PIAS1: variants seen among roughly 807,000 people sequenced by gnomAD.
The protein encoded by PIAS1 is E3 SUMO-protein ligase PIAS1.
PIAS1 carries 6 observed loss-of-function variants against 71.3 expected under a neutral mutation model. The ratio of observed to expected loss-of-function variants is 0.08; its 90% CI spans 0.05 to 0.17. The LOEUF is 0.17. Ranked by LOEUF, PIAS1 falls within the 10% of genes least tolerant of loss-of-function variation. The probability of loss-of-function intolerance (pLI) is 1.00; values close to 1 mark genes in which losing one functional copy is unlikely to be tolerated. For synonymous variants in PIAS1, 303 were observed against 292.9 expected (o/e 1.03, Z -0.35); for missense variants, 555 against 793.6 (o/e 0.70, Z 3.61).
chr15:68,134,567 C>T lies in PIAS1; in HGVS notation c.470-7379C>T, dbSNP rs1256620614. ...ATCCTCACTTCCCAGTAGGGGCGGCCGGGCAGAGGCGCCCCCCACCCCCCA... is the reference window on the plus strand; with the variant it reads ...ATCCTCACTTCCCAGTAGGGGCGGCTGGGCAGAGGCGCCCCCCACCCCCCA... On this transcript the variant is annotated intron_variant, in intron 2 of 13. Transcript: ENST00000249636. Among the ~76,000 whole-genome samples, 18 of 38,106 alleles carry T rather than the reference C, an allele frequency of 4.7e-4. 1 individual carries two copies. Among genetic ancestry groups the T allele is most frequent in the East Asian group, 7.7e-4 (1 of 1,294 alleles). 25.0% of individuals were successfully genotyped at this position (38,106 alleles called of 152,430 possible).
intron 1 of PIAS1, among the ~76,000 whole-genome samples, chr15:68,067,855 T>C (rs1305179386): frequency 6.6e-6 from 1 of 152,198 alleles, no homozygotes; most frequent in African/African-American, 2.4e-5. Flanking sequence ...ACCCTCATCC[T>C]CTCTTCCCCA....
intron 2 of PIAS1, among the ~76,000 whole-genome samples, chr15:68,090,091 G>A (rs1348610147): frequency 6.6e-6 from 1 of 151,724 alleles, no homozygotes; most frequent in Non-Finnish European, 1.5e-5. Flanking sequence ...TGTCAGCCAG[G>A]CTGGTCTCGA....
intron 2 of PIAS1, among the ~76,000 whole-genome samples, chr15:68,110,492 A>G (rs935760848): frequency 6.6e-6 from 1 of 152,132 alleles, no homozygotes; most frequent in Non-Finnish European, 1.5e-5. Context: ...GCTACTCAGG[A>G]GGCTGAGGCA....
intron 2 of PIAS1, among the ~76,000 whole-genome samples, chr15:68,124,390 TTTG>T (rs1031456613): frequency 2.7e-5 from 4 of 145,534 alleles, no homozygotes; most frequent in Non-Finnish European, 4.5e-5. Flanking sequence ...TGTGGTTTTT[TTTG>T]TTGTTGTTTT....
intron 8 of PIAS1, among the ~76,000 whole-genome samples, chr15:68,170,998 TAAC>T (rs1237304278): frequency 6.6e-6 from 1 of 152,156 alleles, no homozygotes; most frequent in Non-Finnish European, 1.5e-5. Flanking sequence ...ACTCTTGTAA[TAAC>T]AACACTTAGC....
intron 2 of PIAS1, among the ~76,000 whole-genome samples, chr15:68,087,235 A>T (rs948984856): frequency 6.6e-6 from 1 of 152,150 alleles, no homozygotes; most frequent in Non-Finnish European, 1.5e-5. Flanking sequence ...TTTCAAGTGG[A>T]GAAGTGCATG....
At chr15:68,141,056 C>A (rs1259006554) in intron 2 of PIAS1, among the ~76,000 whole-genome samples, 1 of 152,032 alleles carries the variant, frequency 6.6e-6, no homozygotes, top group East Asian at 1.9e-4. Context: ...TACTAAAAGC[C>A]AATGGATGTG....
chr15:68,147,770 CT>C (rs142085988), intron 6 of PIAS1, among the ~76,000 whole-genome samples: 3,322 of 152,158 alleles, frequency 0.022, 122 homozygotes, highest in African/African-American at 0.076. Context: ...CTTTCTTTCA[CT>C]TTTTAAATAG....
At chr15:68,101,311 TTTGTC>T (rs771111667) in intron 2 of PIAS1, among the ~76,000 whole-genome samples, 89 of 149,300 alleles carry the variant, frequency 6.0e-4, no homozygotes, top group Non-Finnish European at 1.2e-3. Flanking sequence ...TTTTATGTCT[TTTGTC>T]TTTTCTAATT....
chr15:68,062,389 A>T (rs1464305114), intron 1 of PIAS1, among the ~76,000 whole-genome samples: 1 of 152,204 alleles, frequency 6.6e-6, no homozygotes, highest in African/African-American at 2.4e-5. Flanking sequence ...ATCCCATTAC[A>T]GTTCACCTCG....
chr15:68,139,302 G>C (rs1049224456), intron 2 of PIAS1, among the ~76,000 whole-genome samples: 1 of 152,106 alleles, frequency 6.6e-6, no homozygotes, highest in East Asian at 1.9e-4. Context: ...GTCATCATCT[G>C]CCTGACAAAG....
In PIAS1 at chr15:68,174,294, G is replaced by A. The variant is rs2093008758; in HGVS notation, c.1169+402G>A. On this transcript the variant is annotated intron_variant, in intron 9 of 13. Transcript: ENST00000249636. This position sits in a 1 kb window ranked among gnomAD's most constrained non-coding sequence, Gnocchi z 4.0. ...TCCAAAATTGGGCTTTTCAATAGAAGTTAGCCTATTTCTGGAGATTAGATC... is the reference window on the plus strand; with the variant it reads ...TCCAAAATTGGGCTTTTCAATAGAAATTAGCCTATTTCTGGAGATTAGATC... 6.6e-6 allele frequency among the ~76,000 whole-genome samples: 1 copy of A among 152,190 alleles called. No individual in the cohort carries two copies. The highest frequency in any genetic ancestry group is 1.5e-5 in the Non-Finnish European group (1 of 68,042).
intron 2 of PIAS1, among the ~76,000 whole-genome samples, chr15:68,088,176 G>A (rs368855201): frequency 1.6e-4 from 12 of 72,996 alleles, no homozygotes; most frequent in African/African-American, 2.5e-4. Context: ...TTATGTGTGT[G>A]TATATATATA....
At chr15:68,084,693 T>C (rs537849045) in intron 1 of PIAS1, among the ~76,000 whole-genome samples, 7 of 152,326 alleles carry the variant, frequency 4.6e-5, no homozygotes, top group Middle Eastern at 3.4e-3. Context: ...TCATTGATTA[T>C]GCAGGCATTT....
intron 2 of PIAS1, among the ~76,000 whole-genome samples, chr15:68,137,210 A>G (rs925011900): frequency 6.6e-6 from 1 of 152,204 alleles, no homozygotes; most frequent in Non-Finnish European, 1.5e-5. Context: ...CCCCCTTCCA[A>G]AAAACAAACC....
intron 2 of PIAS1, among the ~76,000 whole-genome samples, chr15:68,116,461 G>T (rs2092565881): frequency 6.6e-6 from 1 of 151,988 alleles, no homozygotes; most frequent in African/African-American, 2.4e-5. Flanking sequence ...GACAATCTAT[G>T]TCTTTTCTTC....
At chr15:68,072,904 A>G (rs369373432) in intron 1 of PIAS1, among the ~76,000 whole-genome samples, 59 of 152,378 alleles carry the variant, frequency 3.9e-4, no homozygotes, top group African/African-American at 1.4e-3. Context: ...TGCCCTTAAA[A>G]CTAAAAAATT....
At chr15:68,074,974 G>A (rs562050511) in intron 1 of PIAS1, among the ~76,000 whole-genome samples, 8 of 150,372 alleles carry the variant, frequency 5.3e-5, no homozygotes, top group South Asian at 2.1e-4. Context: ...TAAATTTCAC[G>A]AAGAATGTGT....
intron 7 of PIAS1, among the ~76,000 whole-genome samples, chr15:68,156,727 A>AG (rs1401112813): frequency 9.2e-4 from 133 of 143,870 alleles, no homozygotes; most frequent in African/African-American, 3.3e-3. Flanking sequence ...AAAAAAAAAA[A>AG]AGAGAGAGAG....
Sources: allele counts gnomAD v4.1 joint callset (sites outside exome capture counted in the v4.1 genomes callset), GRCh38; gene constraint gnomAD v4.1.1; non-coding constraint Gnocchi (gnomAD v3.1); transcripts MANE v1.5; gene names NCBI Gene and HGNC (gene_info 2026-07-23, HGNC 2026-07-21).